The following RICTOR variants were observed in gnomAD, a reference collection of about 807,000 sequenced individuals.
RICTOR encodes the protein rapamycin-insensitive companion of mTOR.
Under a neutral mutation model 214.9 loss-of-function variants are expected in RICTOR, and 49 were observed. The ratio of observed to expected loss-of-function variants is 0.23; its 90% CI spans 0.18 to 0.29. The LOEUF is 0.29. RICTOR is among the 10% of genes least tolerant of loss of function. The pLI is 1.00. For missense variants in RICTOR, 1,625 were observed against 2,047.0 expected (o/e 0.79, Z 3.98); for synonymous variants, 717 against 711.3 (o/e 1.01, Z -0.13).
chr5:39,032,065 G>T (rs1175008981), intron 2 of RICTOR, among the ~76,000 whole-genome samples: 2 of 152,262 alleles, frequency 1.3e-5, no homozygotes, highest in East Asian at 3.9e-4. Flanking sequence ...TGTATCCCAA[G>T]GATAGCATCT....
intron 34 of RICTOR, 130 bp downstream of exon 34, chr5:38,945,361 G>T: frequency 1.5e-6 from 1 of 650,952 alleles, no homozygotes. Flanking sequence ...ACATAATTTG[G>T]CATATCAGTG....
intron 2 of RICTOR, among the ~76,000 whole-genome samples, chr5:39,065,863 G>A (rs1349757062): frequency 6.6e-6 from 1 of 152,230 alleles, no homozygotes; most frequent in Non-Finnish European, 1.5e-5. Flanking sequence ...CTGTGGCTTT[G>A]CAGGGTTTAG....
intron 31 of RICTOR, among the ~76,000 whole-genome samples, chr5:38,947,830 T>G (rs537601163): frequency 1.3e-5 from 2 of 152,258 alleles, no homozygotes; most frequent in South Asian, 4.1e-4. Context: ...TAAGGATATG[T>G]GTATCAACTC....
At position 39,002,169 on chromosome 5, in the gene RICTOR, CAAAAAA is replaced by C. The variant is rs70982532; in HGVS notation, c.392+360_392+365del. Among the ~76,000 whole-genome samples, 557 of 122,560 alleles carry C rather than the reference CAAAAAA, an allele frequency of 4.5e-3. 4 individuals carry two copies. Among genetic ancestry groups the C allele is most frequent in the African/African-American group, 0.014 (462 of 31,876 alleles). The allele number at this position is 122,560 out of a possible 152,430, so 80.4% of individuals were successfully genotyped here. On this transcript the variant is annotated intron_variant, in intron 5 of 37. Coordinates refer to ENST00000357387, the MANE Select transcript of RICTOR (RefSeq NM_152756.5). ...ATTTATAAAATGAAATGTTACACAG[CAAAAAA>C]AAAAAAAAAAAAAATCAACATGTAT...
At chr5:39,025,354 C>T (rs1193201537) in intron 2 of RICTOR, among the ~76,000 whole-genome samples, 2 of 152,186 alleles carry the variant, frequency 1.3e-5, no homozygotes, top group Admixed American at 6.5e-5. Flanking sequence ...GAAATCTCTG[C>T]TTTCTTCTTT....
chr5:39,027,741 A>G (rs1260138155), intron 2 of RICTOR, among the ~76,000 whole-genome samples: 1 of 152,206 alleles, frequency 6.6e-6, no homozygotes, highest in Non-Finnish European at 1.5e-5. Flanking sequence ...TTTACATATC[A>G]GTGTTAAATA....
At position 39,023,645 on chromosome 5, in the gene RICTOR, G is replaced by A. The variant is rs111825604; in HGVS notation, c.98-2509C>T. Among the ~76,000 whole-genome samples the A allele has an allele frequency of 5.1e-4, 77 of 152,296 alleles. 1 individual carries two copies. The highest frequency in any genetic ancestry group is 1.8e-3 in the African/African-American group (74 of 41,578). Reference sequence around the variant, plus strand: ...GATATTTTAGTTTAAGAGCCATTATGACTTCCTTTGAGACTTTTATCTGTT... The same window carrying A: ...GATATTTTAGTTTAAGAGCCATTATAACTTCCTTTGAGACTTTTATCTGTT... On this transcript the variant is annotated intron_variant, in intron 2 of 37. Coordinates refer to ENST00000357387, the MANE Select transcript of RICTOR (RefSeq NM_152756.5).
rs371600023 is a variant in RICTOR, at chr5:39,062,718, A to G, written c.97+11393T>C. Reference sequence around the variant, plus strand: ...GCAACCTTCTTTGTTTACAGCTTCTATGTCTCTTCATTCTCTATTCATTAT... The same window carrying G: ...GCAACCTTCTTTGTTTACAGCTTCTGTGTCTCTTCATTCTCTATTCATTAT... On this transcript the variant is annotated intron_variant, in intron 2 of 37. Coordinates refer to ENST00000357387, the MANE Select transcript of RICTOR (RefSeq NM_152756.5). Among the ~76,000 whole-genome samples the G allele has an allele frequency of 2.5e-3, 388 of 152,218 alleles. 1 individual carries two copies. Among genetic ancestry groups the G allele is most frequent in the African/African-American group, 8.4e-3 (350 of 41,558 alleles).
chr5:39,051,046 C>T (rs946823546), intron 2 of RICTOR, among the ~76,000 whole-genome samples: 21 of 120,228 alleles, frequency 1.7e-4, no homozygotes, highest in African/African-American at 5.2e-4. Context: ...TATATATACA[C>T]ACACACACAC....
In RICTOR at chr5:38,962,534, T is replaced by C. The variant is rs766182586; in HGVS notation, c.1619A>G (p.His540Arg). 3 of 1,587,422 alleles carry C rather than the reference T, an allele frequency of 1.9e-6. No individual in the cohort carries two copies. Among genetic ancestry groups the C allele is most frequent in the Admixed American group, 1.7e-5 (1 of 58,622 alleles). ...INLRDSQVLQHKENLEWNWNL... is the reference protein window; with the variant it reads ...INLRDSQVLQRKENLEWNWNL... ...CCAATTCCATTCAAGATTCTCTTTATGTTGAAGGACTTGGCTATCTCTAAG... is the reference window on the plus strand; with the variant it reads ...CCAATTCCATTCAAGATTCTCTTTACGTTGAAGGACTTGGCTATCTCTAAG... Residue 540 changes from histidine to arginine, a missense_variant, in exon 18 of 38, where the codon CAT becomes CGT. Transcript: ENST00000357387.
chr5:39,000,989 TA>T (rs1423666891), intron 5 of RICTOR, among the ~76,000 whole-genome samples: 2 of 152,046 alleles, frequency 1.3e-5, no homozygotes, highest in African/African-American at 2.4e-5. Flanking sequence ...TTCCAATAAA[TA>T]AATGTTTAGA....
intron 22 of RICTOR, 96 bp from the exon 23 acceptor site, chr5:38,958,927 G>C (rs1749550736): frequency 1.1e-6 from 1 of 919,208 alleles, no homozygotes; most frequent in African/African-American, 1.7e-5. Flanking sequence ...CTTGAAAAGG[G>C]AAGAATGCCT....
chr5:38,996,977 C>A, intron 5 of RICTOR, 95 bp from the exon 6 acceptor site: 3 of 800,592 alleles, frequency 3.7e-6, no homozygotes, highest in South Asian at 2.8e-5. Flanking sequence ...TTCACAATGT[C>A]AATATGGTAT....
At chr5:39,004,636 T>A (rs1466889649) in intron 3 of RICTOR, among the ~76,000 whole-genome samples, 2 of 151,594 alleles carry the variant, frequency 1.3e-5, no homozygotes, top group Non-Finnish European at 2.9e-5. Flanking sequence ...ATTTTTGTAT[T>A]TTTAGTACAG....
chr5:38,961,774 A>AAGT (rs1426341546), intron 19 of RICTOR, among the ~76,000 whole-genome samples: 7 of 152,154 alleles, frequency 4.6e-5, no homozygotes, highest in Non-Finnish European at 8.8e-5. Flanking sequence ...CAAACATACT[A>AAGT]AGGACCTCTT....
chr5:39,039,439 T>C (rs1756999459), intron 2 of RICTOR, among the ~76,000 whole-genome samples: 2 of 152,086 alleles, frequency 1.3e-5, no homozygotes, highest in African/African-American at 4.8e-5. Context: ...CCAAAAGCAA[T>C]GGCAACAAAA....
chr5:38,945,852 A>G (rs1748130032), intron 33 of RICTOR, 128 bp from the exon 34 acceptor site: 2 of 538,322 alleles, frequency 3.7e-6, no homozygotes, highest in Non-Finnish European at 6.4e-6. Context: ...GAAAGAAAAA[A>G]AGAATAATTT....
At chr5:39,039,001 A>C (rs1756961630) in intron 2 of RICTOR, among the ~76,000 whole-genome samples, 1 of 152,224 alleles carries the variant, frequency 6.6e-6, no homozygotes, top group Non-Finnish European at 1.5e-5. Flanking sequence ...AAGAGCCCGC[A>C]TTGCCAGGTC....
Position 38,939,067 on chromosome 5 carries a change from T to C in RICTOR, c.*3237A>G. ...CAAAATTAGCACCTCACTCTTACCATGCAAAAATAACTGCAGTTATAATTT... is the reference window on the plus strand; with the variant it reads ...CAAAATTAGCACCTCACTCTTACCACGCAAAAATAACTGCAGTTATAATTT... On this transcript the variant is annotated 3_prime_UTR_variant, in exon 38 of 38. Coordinates refer to ENST00000357387, the MANE Select transcript of RICTOR (RefSeq NM_152756.5). The C allele has an allele frequency of 4.3e-6, 1 of 233,068 alleles. No homozygotes were observed. The highest frequency in any genetic ancestry group is 8.5e-6 in the Non-Finnish European group (1 of 117,678). 14.4% of individuals were successfully genotyped at this position (233,068 alleles called of 1,614,324 possible).
Sources: allele counts gnomAD v4.1 joint callset (sites outside exome capture counted in the v4.1 genomes callset), GRCh38; gene constraint gnomAD v4.1.1; transcripts MANE v1.5; gene names NCBI Gene and HGNC (gene_info 2026-07-23, HGNC 2026-07-21).